POU2F1: variants seen among roughly 807,000 people sequenced by gnomAD.
POU2F1 encodes the protein POU class 2 homeobox 1.
POU2F1 carries 16 observed loss-of-function variants against 84.9 expected under a neutral mutation model. That is an observed-to-expected ratio of 0.19 (90% CI 0.13 to 0.29). POU2F1 has a LOEUF of 0.29. Among genes scored for constraint, POU2F1 ranks in the 10% least tolerant of loss-of-function variants. The pLI is 1.00. For synonymous variants in POU2F1, 368 were observed against 368.3 expected (o/e 1.00, Z 0.01); for missense variants, 738 against 942.6 (o/e 0.78, Z 2.84).
intron 8 of POU2F1, among the ~76,000 whole-genome samples, chr1:167,389,017 G>A (rs755168212): frequency 2.6e-5 from 4 of 152,156 alleles, no homozygotes; most frequent in Non-Finnish European, 5.9e-5. Context: ...TAATTACAGT[G>A]AAGGTTTAAA....
intron 13 of POU2F1, among the ~76,000 whole-genome samples, chr1:167,405,031 A>G (rs1649473290): frequency 6.6e-6 from 1 of 152,218 alleles, no homozygotes; most frequent in African/African-American, 2.4e-5. Flanking sequence ...TCCCATAGGT[A>G]CGTTTGACAC....
At chr1:167,269,481 G>A (rs1030856170) in intron 1 of POU2F1, among the ~76,000 whole-genome samples, 1 of 152,182 alleles carries the variant, frequency 6.6e-6, no homozygotes, top group Admixed American at 6.5e-5. Context: ...GAAAGAAATC[G>A]GACAGTTAAT....
intron 1 of POU2F1, among the ~76,000 whole-genome samples, chr1:167,269,819 C>G (rs977957470): frequency 6.7e-6 from 1 of 149,776 alleles, no homozygotes; most frequent in Non-Finnish European, 1.5e-5. Flanking sequence ...GAGGCTGAGA[C>G]AGGAGAAGCA....
intron 1 of POU2F1, among the ~76,000 whole-genome samples, chr1:167,332,253 T>A (rs1657123177): frequency 6.6e-6 from 1 of 152,150 alleles, no homozygotes; most frequent in South Asian, 2.1e-4. Context: ...GACAGTTTAT[T>A]TGTGAATCCC....
At chr1:167,317,246 T>C (rs1655971153) in intron 1 of POU2F1, among the ~76,000 whole-genome samples, 1 of 152,216 alleles carries the variant, frequency 6.6e-6, no homozygotes, top group Non-Finnish European at 1.5e-5. Flanking sequence ...TGGTCCTGTG[T>C]TAAAACTCTG....
intron 1 of POU2F1, among the ~76,000 whole-genome samples, chr1:167,300,992 A>C (rs1210723569): frequency 1.4e-5 from 2 of 148,008 alleles, no homozygotes; most frequent in Non-Finnish European, 3.0e-5. Flanking sequence ...CTGGTCTTGA[A>C]CTCCTAACCT....
intron 1 of POU2F1, among the ~76,000 whole-genome samples, chr1:167,243,975 G>A (rs562700399): frequency 3.3e-4 from 50 of 152,202 alleles, no homozygotes; most frequent in African/African-American, 1.2e-3. Flanking sequence ...ATAATGGACC[G>A]AGAGTAGACT....
intron 1 of POU2F1, among the ~76,000 whole-genome samples, chr1:167,329,781 A>G (rs1014215127): frequency 6.6e-6 from 1 of 152,228 alleles, no homozygotes; most frequent in African/African-American, 2.4e-5. Context: ...AAATGTTAAT[A>G]AAGAGGGTAA....
intron 1 of POU2F1, among the ~76,000 whole-genome samples, chr1:167,273,246 C>T (rs1480418623): frequency 6.6e-6 from 1 of 152,202 alleles, no homozygotes; most frequent in East Asian, 1.9e-4. Context: ...TCTTTACAGG[C>T]TGTCGTTGAG....
chr1:167,237,433 T>A (rs969711711), intron 1 of POU2F1, among the ~76,000 whole-genome samples: 5 of 152,180 alleles, frequency 3.3e-5, no homozygotes. Flanking sequence ...TTGTTGTTTT[T>A]CCGGTACCCT....
rs1209817767 is a variant in POU2F1, at chr1:167,418,564, A to T, written c.*2754A>T. The T allele has an allele frequency of 6.6e-6, 1 of 152,218 alleles. No homozygotes were observed. Among genetic ancestry groups the T allele is most frequent in the African/African-American group, 2.4e-5 (1 of 41,458 alleles). The allele number at this position is 152,218 out of a possible 1,614,324, so 9.4% of individuals were successfully genotyped here. A position where few individuals can be genotyped will look rare whatever the true frequency, so the allele number is the denominator to read the frequency against. On this transcript the variant is annotated 3_prime_UTR_variant, in exon 16 of 16. Transcript: ENST00000367866. ...ATACTGGATTAGAAGTTATAGCATT[A>T]ATTTCTCAAAATTGCTACCAAAGGA...
intron 1 of POU2F1, among the ~76,000 whole-genome samples, chr1:167,299,864 C>T (rs561638189): frequency 6.6e-6 from 1 of 152,110 alleles, no homozygotes; most frequent in South Asian, 2.1e-4. Context: ...TGGGCCCCCA[C>T]CTCCAGAGGT....
chr1:167,312,098 C>G (rs113559215), intron 1 of POU2F1, among the ~76,000 whole-genome samples: 6,586 of 152,082 alleles, frequency 0.043, 179 homozygotes, highest in African/African-American at 0.079. Flanking sequence ...CCACGCTCGG[C>G]TAATTTTTGT....
chr1:167,280,187 CG>C (rs61154550), intron 1 of POU2F1, among the ~76,000 whole-genome samples: 87,519 of 143,140 alleles, frequency 0.61, 27,811 homozygotes, highest in East Asian at 0.86. Flanking sequence ...TACTCTGTCT[CG>C]GGGAAAAAAA....
rs34080201 is a variant in POU2F1, at chr1:167,277,498, TAA to T, written c.62-54955_62-54954del. 4.8e-3 allele frequency among the ~76,000 whole-genome samples: 654 copies of T among 135,508 alleles called. 2 individuals carry two copies. The highest frequency in any genetic ancestry group is 0.015 in the African/African-American group (577 of 37,446). 88.9% of individuals were successfully genotyped at this position (135,508 alleles called of 152,430 possible). A position where few individuals can be genotyped will look rare whatever the true frequency, so the allele number is the denominator to read the frequency against. On this transcript the variant is annotated intron_variant, in intron 1 of 15. Coordinates refer to ENST00000367866, the MANE Select transcript of POU2F1 (RefSeq NM_002697.4). ...TACGTGTCAACCATACCTGGCTAATTAAAAAAAAAAAAAAAAAATTGCCTAGG... is the reference window on the plus strand; with the variant it reads ...TACGTGTCAACCATACCTGGCTAATTAAAAAAAAAAAAAAAATTGCCTAGG...
chr1:167,370,152 T>C lies in POU2F1; in HGVS notation c.229-9T>C. The C allele has an allele frequency of 6.2e-7, 1 of 1,600,440 alleles. No homozygotes were observed. The highest frequency in any genetic ancestry group is 8.5e-7 in the Non-Finnish European group (1 of 1,170,762). On this transcript the variant is annotated splice_polypyrimidine_tract_variant and intron_variant, in intron 3 of 15. Coordinates refer to ENST00000367866, the MANE Select transcript of POU2F1 (RefSeq NM_002697.4). ...GTATTAAACTAGAACTTCCCCTGAT[T>C]ACTTATAGGTCCAACTCGCTGGAAC...
rs771832309 is a variant in POU2F1, at chr1:167,220,916, G to C, written c.19G>C (p.Ala7Pro). 176 of 1,535,358 alleles carry C rather than the reference G, an allele frequency of 1.1e-4. 2 individuals carry two copies. The East Asian group carries it at 1.9e-3, about 17-fold the overall frequency. Reference sequence around the variant, plus strand: ...ATTCAAAATGGCGGACGGAGGAGCAGCGAGTCAAGATGAGAGTTCAGCCGC... The same window carrying C: ...ATTCAAAATGGCGGACGGAGGAGCACCGAGTCAAGATGAGAGTTCAGCCGC... Reference protein sequence around the residue: MADGGAASQDESSAAAA... With the variant: MADGGAPSQDESSAAAA... The change falls in exon 1 of 16, where the codon GCG becomes CCG. Residue 7 changes from alanine (A) to proline (P), a missense_variant. Physicochemically the swap from Ala to Pro is conservative, Grantham distance 27. Coordinates refer to ENST00000367866, the MANE Select transcript of POU2F1 (RefSeq NM_002697.4).
intron 2 of POU2F1, among the ~76,000 whole-genome samples, chr1:167,336,976 A>ACC (rs1240053261): frequency 6.6e-6 from 1 of 151,946 alleles, no homozygotes; most frequent in Non-Finnish European, 1.5e-5. Context: ...GACCAGCCTG[A>ACC]CCAACATGGT....
chr1:167,263,512 C>G (rs368605387), intron 1 of POU2F1, among the ~76,000 whole-genome samples: 1 of 149,948 alleles, frequency 6.7e-6, no homozygotes, highest in Non-Finnish European at 1.5e-5. Context: ...AGCGAAACTC[C>G]GACTCAAAAA....
Sources: gnomAD v4.1 joint callset for allele counts (sites outside exome capture counted in the v4.1 genomes callset) on GRCh38, gnomAD v4.1.1 for gene constraint, MANE v1.5 for transcripts, NCBI Gene and HGNC (gene_info 2026-07-23, HGNC 2026-07-21) for gene names.